The following OR5P3 variants were observed in gnomAD, a reference collection of about 807,000 sequenced individuals.
OR5P3 encodes olfactory receptor family 5 subfamily P member 3.
For synonymous variants in OR5P3, 172 were observed against 141.8 expected (o/e 1.21, Z -1.51); for missense variants, 415 against 375.6 (o/e 1.10, Z -0.87).
In OR5P3 at chr11:7,825,608, C is replaced by T. The variant is rs111727690; in HGVS notation, c.365G>A (p.Arg122His). The T allele has an allele frequency of 6.5e-5, 105 of 1,612,976 alleles. 2 individuals carry two copies. The highest frequency in any genetic ancestry group is 4.9e-4 in the Middle Eastern group (3 of 6,062). The change falls in exon 2 of 2, where the codon CGC becomes CAC. Residue 122 changes from arginine to histidine, a missense_variant. Coordinates refer to ENST00000641167, the MANE Select transcript of OR5P3 (RefSeq NM_153445.2). ...CFLLAAMAYDRYVAICSPLLY... is the reference protein window; with the variant it reads ...CFLLAAMAYDHYVAICSPLLY... ...CAGGGGTGAGCAGATGGCCACATAG[C>T]GATCATAGGCCATGGCAGCCAGCAG...
At chr11:7,830,323 C>T (rs545793036) in intron 1 of OR5P3, among the ~76,000 whole-genome samples, 2 of 152,268 alleles carry the variant, frequency 1.3e-5, no homozygotes, top group South Asian at 2.1e-4. Flanking sequence ...CAATATCATG[C>T]TATGTTAAGA....
intron 1 of OR5P3, among the ~76,000 whole-genome samples, chr11:7,826,841 A>G (rs1857747849): frequency 6.6e-6 from 1 of 152,178 alleles, no homozygotes; most frequent in Non-Finnish European, 1.5e-5. Flanking sequence ...CCTTCTACAG[A>G]ACACAAATAT....
At chr11:7,829,663 A>G (rs1444790236) in intron 1 of OR5P3, among the ~76,000 whole-genome samples, 2 of 152,242 alleles carry the variant, frequency 1.3e-5, no homozygotes, top group Non-Finnish European at 2.9e-5. Flanking sequence ...TAATGCGTGA[A>G]CTTTCTCAAT....
intron 1 of OR5P3, among the ~76,000 whole-genome samples, chr11:7,826,723 C>A (rs1363551069): frequency 1.3e-5 from 2 of 152,124 alleles, no homozygotes; most frequent in African/African-American, 4.8e-5. Context: ...TGATAGTGAG[C>A]CAATCTAGAG....
At position 7,825,070 on chromosome 11, in the gene OR5P3, C is replaced by T. The variant is rs1342345443; in HGVS notation, c.903G>A (p.Leu301=). 1 of 1,613,920 alleles carries T rather than the reference C, an allele frequency of 6.2e-7. No homozygotes were observed. Among genetic ancestry groups the T allele is most frequent in the Non-Finnish European group, 8.5e-7 (1 of 1,180,018 alleles). The change falls in exon 2 of 2, where the codon CTG becomes CTA. Residue 301 remains leucine, a synonymous_variant. Coordinates refer to ENST00000641167, the MANE Select transcript of OR5P3 (RefSeq NM_153445.2). ...ATATTTTTATTCTAAGCTCTCTCTT[C>T]AGAGCCCCCTTAATCTCCTTGTTCC... ...SLRNKEIKGA[L]KRELRIKIFS
intron 1 of OR5P3, among the ~76,000 whole-genome samples, chr11:7,827,453 T>A (rs574348135): frequency 6.6e-6 from 1 of 152,232 alleles, no homozygotes; most frequent in African/African-American, 2.4e-5. Context: ...GCCTGATAGA[T>A]GAGGGGTCAA....
chr11:7,826,198 CTT>C lies in OR5P3; in HGVS notation c.-21-207_-21-206del, dbSNP rs34333595. ...TAAGGTCAGGAATACTCAGAAAAAT[CTT>C]TTTTTTTTTTTAACTTAACACACTC... On this transcript the variant is annotated intron_variant, in intron 1 of 1. Transcript: ENST00000641167. Among the ~76,000 whole-genome samples, 380 of 148,130 alleles carry C rather than the reference CTT, an allele frequency of 2.6e-3. 3 individuals are homozygous for C. The highest frequency in any genetic ancestry group is 9.6e-3 in the East Asian group (48 of 5,020).
intron 1 of OR5P3, among the ~76,000 whole-genome samples, chr11:7,827,502 G>T (rs1388138623): frequency 6.6e-6 from 1 of 152,102 alleles, no homozygotes; most frequent in Non-Finnish European, 1.5e-5. Context: ...CAACGAAAGG[G>T]ACAGATATGG....
intron 1 of OR5P3, among the ~76,000 whole-genome samples, chr11:7,830,128 C>T (rs372417784): frequency 2.6e-5 from 4 of 152,246 alleles, no homozygotes; most frequent in African/African-American, 9.6e-5. Context: ...AAAGAATTTG[C>T]TCTCAAGCAG....
Position 7,825,856 on chromosome 11 carries a change from T to G in OR5P3, c.117A>C (p.Leu39Phe). 6.2e-7 allele frequency: 1 copy of G among 1,611,516 alleles called. No individual in the cohort carries two copies. The highest frequency in any genetic ancestry group is 1.7e-4 in the Middle Eastern group (1 of 6,056). Residue 39 changes from leucine to phenylalanine, a missense_variant, in exon 2 of 2, where the codon TTA becomes TTC. Transcript: ENST00000641167. ...ATACAATTATGCTGATATTACCCAT[T>G]AAGGTGACAACATAAATTCCTAGAA... ...LVFLGIYVVT[L>F]MGNISIIVLI...
rs190254009 is a variant in OR5P3 at position 7,828,258 on chromosome 11, G to C, written c.-21-2265C>G. Among the ~76,000 whole-genome samples, 4 of 152,224 alleles carry C rather than the reference G, an allele frequency of 2.6e-5. No homozygotes were observed. The East Asian group carries it at 7.7e-4, about 29-fold the overall frequency. On this transcript the variant is annotated intron_variant, in intron 1 of 1. Transcript: ENST00000641167. ...ATGGAATGTTCAAAACCAATACTGA[G>C]GACATAAGAAATTTTGTTGATAACT...
In OR5P3 at chr11:7,825,749, G is replaced by T; in HGVS notation, c.224C>A (p.Ser75Ter). The T allele has an allele frequency of 6.2e-7, 1 of 1,613,220 alleles. No homozygotes were observed. Among genetic ancestry groups the T allele is most frequent in the Non-Finnish European group, 8.5e-7 (1 of 1,179,996 alleles). Residue 75 changes from serine (S) to a stop codon, truncating the protein, a stop_gained, in exon 2 of 2, where the codon TCA becomes TAA. Transcript: ENST00000641167. LOFTEE classifies it low-confidence loss of function (END_TRUNC). ...CATGAGCATGACAGGTGTGACTGATGAGGAGTACCCAATGTCTACAAAGGC... is the reference window on the plus strand; with the variant it reads ...CATGAGCATGACAGGTGTGACTGATTAGGAGTACCCAATGTCTACAAAGGC... ...HLAFVDIGYS[S>*]SVTPVMLMSF...
In OR5P3 at chr11:7,825,041, GA is replaced by G. The variant is rs775135225; in HGVS notation, c.931del (p.Ser311LeufsTer6). The G allele has an allele frequency of 6.2e-7, 1 of 1,611,356 alleles. No individual in the cohort carries two copies. The highest frequency in any genetic ancestry group is 1.1e-5 in the South Asian group (1 of 90,826). Reference protein sequence around the residue: ...LKRELRIKIFS With the variant: ...LKRELRIKIFX ...TCTTCAAACTAACTAGTTTCATCAA[GA>G]AAATATTTTTATTCTAAGCTCTCTC... On this transcript the variant is annotated frameshift_variant, in exon 2 of 2. Coordinates refer to ENST00000641167, the MANE Select transcript of OR5P3 (RefSeq NM_153445.2). LOFTEE classifies it high-confidence loss of function.
chr11:7,826,252 T>G (rs1473991256), intron 1 of OR5P3, among the ~76,000 whole-genome samples: 1 of 151,984 alleles, frequency 6.6e-6, no homozygotes, highest in Non-Finnish European at 1.5e-5. Context: ...TTAATTTAGG[T>G]GCTCTCTGAG....
Position 7,825,307 on chromosome 11 carries a change from G to A in OR5P3, c.666C>T (p.Leu222=). The change falls in exon 2 of 2, where the codon CTC becomes CTT. Residue 222 remains leucine, a synonymous_variant. Transcript: ENST00000641167. The part of the protein sequence containing the change: ...CVIAISYIYI[L]ITILKMHSTK... ...TGGAGTGCATCTTCAGGATGGTGAT[G>A]AGGATATAGATGTAGGATATGGCTA... is the stretch of plus-strand genomic sequence containing the variant. 6.2e-7 allele frequency: 1 copy of A among 1,613,248 alleles called. No homozygotes were observed. Among genetic ancestry groups the A allele is most frequent in the Non-Finnish European group, 8.5e-7 (1 of 1,180,038 alleles).
intron 1 of OR5P3, among the ~76,000 whole-genome samples, chr11:7,828,199 A>G (rs1309150889): frequency 6.6e-6 from 1 of 152,210 alleles, no homozygotes; most frequent in East Asian, 1.9e-4. Flanking sequence ...CCTCAGGGAC[A>G]GCCAAGTGTC....
chr11:7,826,745 A>G lies in OR5P3; in HGVS notation c.-21-752T>C, dbSNP rs1354670208. 2.6e-5 allele frequency among the ~76,000 whole-genome samples: 4 copies of G among 152,346 alleles called. No homozygotes were observed. The East Asian group carries it at 7.7e-4, about 29-fold the overall frequency. On this transcript the variant is annotated intron_variant, in intron 1 of 1. Transcript: ENST00000641167. ...GAGCCAATCTAGAGAAGACATGATC[A>G]GGTTACTCCTGGAAGGCTCCAAAGA...
chr11:7,830,183 T>A (rs768980503), intron 1 of OR5P3, among the ~76,000 whole-genome samples: 20 of 152,186 alleles, frequency 1.3e-4, no homozygotes, highest in South Asian at 2.1e-4. Context: ...TTTCTCTCTC[T>A]CACACACACA....
chr11:7,825,695 G>T lies in OR5P3; in HGVS notation c.278C>A (p.Pro93His), dbSNP rs769793720. ...GAGCTGGGCCACACAACCAGCAACA[G>T]GGAGAGAGGTTTCTTTCCTTAGGAA... ...MSFLRKETSLPVAGCVAQLCS... is the reference protein window; with the variant it reads ...MSFLRKETSLHVAGCVAQLCS... Residue 93 changes from proline to histidine, a missense_variant, in exon 2 of 2, where the codon CCT (proline) becomes CAT (histidine). Pro to His is a moderately conservative substitution (Grantham distance 77, BLOSUM62 -2). Coordinates refer to ENST00000641167, the MANE Select transcript of OR5P3 (RefSeq NM_153445.2). The T allele has an allele frequency of 6.2e-7, 1 of 1,613,194 alleles. No individual in the cohort carries two copies. Among genetic ancestry groups the T allele is most frequent in the South Asian group, 1.1e-5 (1 of 91,082 alleles).
Sources: gnomAD v4.1 joint callset for allele counts (sites outside exome capture counted in the v4.1 genomes callset) on GRCh38, gnomAD v4.1.1 for gene constraint, MANE v1.5 for transcripts, NCBI Gene and HGNC (gene_info 2026-07-23, HGNC 2026-07-21) for gene names.